Variants in LRRCC1 observed in about 807,000 individuals in gnomAD.
The protein encoded by LRRCC1 is leucine rich repeat and coiled-coil centrosomal protein 1.
Under a neutral mutation model 126.0 loss-of-function variants are expected in LRRCC1, and 115 were observed. The ratio of observed to expected loss-of-function variants is 0.91; its 90% CI spans 0.78 to 1.07. LRRCC1 has a LOEUF of 1.07. Among genes scored for constraint, LRRCC1 ranks in the 50% least tolerant of loss-of-function variants. The pLI is 0.00. For synonymous variants in LRRCC1, 400 were observed against 393.4 expected, an observed-to-expected ratio of 1.02 and a Z score of -0.20; for missense variants, 1,172 against 1,175.7, an observed-to-expected ratio of 1.00 and a Z score of 0.05.
chr8:85,143,483 G>A (rs1811409406), intron 18 of LRRCC1, among the ~76,000 whole-genome samples: 1 of 151,840 alleles, frequency 6.6e-6, no homozygotes, highest in African/African-American at 2.4e-5. Context: ...ACAAAAAAAT[G>A]TGTTAATTAG....
chr8:85,130,391 C>G (rs1810380166), intron 11 of LRRCC1, among the ~76,000 whole-genome samples: 1 of 151,718 alleles, frequency 6.6e-6, no homozygotes, highest in Admixed American at 6.6e-5. Flanking sequence ...ATCTGCCCCA[C>G]TCGGCCTCCC....
At position 85,137,455 on chromosome 8, in the gene LRRCC1, G is replaced by T. The variant is rs972643196; in HGVS notation, c.2330-9G>T. 13 of 1,537,750 alleles carry T rather than the reference G, an allele frequency of 8.5e-6. No individual in the cohort carries two copies. Among genetic ancestry groups the T allele is most frequent in the Non-Finnish European group, 1.1e-5 (13 of 1,152,264 alleles). On this transcript the variant is annotated splice_polypyrimidine_tract_variant and intron_variant, in intron 14 of 18. Transcript: ENST00000360375. ...TCAAAGTATGTAATTGATGATTTTTGTTTCTTAGGATCTTCTCTAGCCCAA... is the reference window on the plus strand; with the variant it reads ...TCAAAGTATGTAATTGATGATTTTTTTTTCTTAGGATCTTCTCTAGCCCAA...
intron 9 of LRRCC1, 110 bp from the exon 10 acceptor site, chr8:85,129,065 A>T: frequency 1.3e-6 from 1 of 789,534 alleles, no homozygotes; most frequent in Non-Finnish European, 2.1e-6. Context: ...ACAGGAGTTG[A>T]GAGCATGAAC....
chr8:85,114,335 C>G (rs1159729119), intron 4 of LRRCC1, among the ~76,000 whole-genome samples: 1 of 151,858 alleles, frequency 6.6e-6, no homozygotes, highest in Admixed American at 6.6e-5. Flanking sequence ...AATACAGTCA[C>G]CCTCCCTTCA....
chr8:85,132,375 CT>C (rs551423793), intron 12 of LRRCC1, among the ~76,000 whole-genome samples: 18 of 109,924 alleles, frequency 1.6e-4, no homozygotes, highest in Admixed American at 6.8e-4. Flanking sequence ...TGAGTACTTT[CT>C]TTTTTTTTTT....
Position 85,129,225 on chromosome 8 carries a change from T to A in LRRCC1, c.1472T>A (p.Val491Asp). 1.2e-6 allele frequency: 2 copies of A among 1,613,138 alleles called. No homozygotes were observed. Among genetic ancestry groups the A allele is most frequent in the Non-Finnish European group, 1.7e-6 (2 of 1,179,696 alleles). Residue 491 changes from valine (V) to aspartate (D), a missense_variant, in exon 10 of 19, where the codon GTT becomes GAT. Val to Asp is a radical substitution (Grantham distance 152). Transcript: ENST00000360375. ...AGAAATTCCAAAGGACAACTCGAAG[T>A]TATGGTTCACAAACTTCAAAATGAA... ...RERNSKGQLE[V>D]MVHKLQNEIK...
Position 85,107,316 on chromosome 8 carries a change from G to A in LRRCC1, c.21G>A (p.Val7=). ...GTGCTATGGAGGCGGCGGCGGCGGT[G>A]GTGGCGGCAGAGGCGGAAGTGGAAA... The part of the protein sequence containing the change: MEAAAA[V]VAAEAEVENE... The change falls in exon 1 of 19, where the codon GTG becomes GTA. Residue 7 remains valine (V), a synonymous_variant. Transcript: ENST00000360375. The A allele has an allele frequency of 6.2e-7, 1 of 1,612,776 alleles. No homozygotes were observed. Among genetic ancestry groups the A allele is most frequent in the Non-Finnish European group, 8.5e-7 (1 of 1,179,576 alleles).
intron 5 of LRRCC1, 46 bp from the exon 6 acceptor site, chr8:85,115,329 A>C (rs1809031302): frequency 1.3e-6 from 2 of 1,565,476 alleles, no homozygotes; most frequent in Admixed American, 3.7e-5. Flanking sequence ...AAATTTCAAT[A>C]AGTGAATATA....
In LRRCC1 at chr8:85,141,514, A is replaced by G; in HGVS notation, c.2973A>G (p.Leu991=). The change falls in exon 18 of 19, where the codon TTA becomes TTG. Residue 991 remains leucine (L), a synonymous_variant. Transcript: ENST00000360375. ...AGAAGTGTATTGATTCTGCAAATTT[A>G]AAGGTATTGTAAGTAAAATTCACTT... The part of the protein sequence containing the change: ...EKQKCIDSAN[L]KVHQIEKEMR... 6.2e-7 allele frequency: 1 copy of G among 1,602,406 alleles called. No individual in the cohort carries two copies.
At chr8:85,130,700 T>G (rs1470069396) in intron 11 of LRRCC1, among the ~76,000 whole-genome samples, 1 of 152,230 alleles carries the variant, frequency 6.6e-6, no homozygotes, top group Non-Finnish European at 1.5e-5. Flanking sequence ...GACCCCCAAG[T>G]TAATTAATTA....
rs200174959 is a variant in LRRCC1, at chr8:85,123,502, A to C, written c.1020A>C (p.Arg340Ser). ...CTTCTGAAAGTGACTATGGAAACAG[A>C]AAAGAATGCAATAGAAAAGTTCCTC... ...DITSESDYGN[R>S]KECNRKVPRR... The change falls in exon 7 of 19, where the codon AGA (arginine) becomes AGC (serine). Residue 340 changes from arginine to serine, a missense_variant. Physicochemically the swap from Arg to Ser is moderately radical, Grantham distance 110. Transcript: ENST00000360375. 5.6e-6 allele frequency: 9 copies of C among 1,611,648 alleles called. No individual in the cohort carries two copies. The highest frequency in any genetic ancestry group is 1.3e-5 in the African/African-American group (1 of 74,746).
rs768095250 is a variant in LRRCC1, at chr8:85,124,909, C to T, written c.1242C>T (p.Asp414=). 6.2e-7 allele frequency: 1 copy of T among 1,605,034 alleles called. No individual in the cohort carries two copies. Among genetic ancestry groups the T allele is most frequent in the Non-Finnish European group, 8.5e-7 (1 of 1,176,326 alleles). Residue 414 remains aspartate (D), a synonymous_variant, in exon 8 of 19, where the codon GAC becomes GAT. Coordinates refer to ENST00000360375, the MANE Select transcript of LRRCC1 (RefSeq NM_033402.5). The part of the protein sequence containing the change: ...EKPKTEIIKV[D]QSHSEDNTYQ... The stretch of plus-strand genomic sequence containing the variant: ...CAAAGACTGAAATAATTAAAGTAGA[C>T]CAAAGTCACTCAGAAGACAACACTT...
Position 85,135,674 on chromosome 8 carries a change from G to A in LRRCC1, c.2155-115G>A, listed in dbSNP as rs556435760. 4.4e-4 allele frequency: 266 copies of A among 606,646 alleles called. No homozygotes were observed. The African/African-American group carries it at 4.5e-3, about 10-fold the overall frequency. The allele number at this position is 606,646 out of a possible 1,614,324, so 37.6% of individuals were successfully genotyped here. ...AACTAAAACTTCTGATGTAAAATTT[G>A]GTAATATTTACTTGTATTTGCTTAA... On this transcript the variant is annotated intron_variant, in intron 13 of 18. Coordinates refer to ENST00000360375, the MANE Select transcript of LRRCC1 (RefSeq NM_033402.5).
intron 2 of LRRCC1, 72 bp from the exon 3 acceptor site, chr8:85,110,043 T>C (rs1272951387): frequency 1.0e-5 from 7 of 685,744 alleles, no homozygotes; most frequent in Non-Finnish European, 1.7e-5. Flanking sequence ...AATAACATTG[T>C]AATGCTATAT....
At position 85,145,381 on chromosome 8, in the gene LRRCC1, C is replaced by T. The variant is rs984366932; in HGVS notation, c.2977-8C>T. On this transcript the variant is annotated splice_polypyrimidine_tract_variant and splice_region_variant and intron_variant, in intron 18 of 18. Transcript: ENST00000360375. The stretch of plus-strand genomic sequence containing the variant: ...AAATTAAAATGTAAAATTTACATGT[C>T]GATTTAGGTCCATCAAATTGAAAAA... 89 of 1,454,790 alleles carry T rather than the reference C, an allele frequency of 6.1e-5. No homozygotes were observed. Among genetic ancestry groups the T allele is most frequent in the Non-Finnish European group, 7.6e-5 (84 of 1,099,988 alleles). The allele number at this position is 1,454,790 out of a possible 1,614,324, so 90.1% of individuals were successfully genotyped here.
chr8:85,145,117 G>GTGTGTATATATATATATATATA (rs1554679351), intron 18 of LRRCC1, among the ~76,000 whole-genome samples: 3 of 143,330 alleles, frequency 2.1e-5, no homozygotes, highest in African/African-American at 7.7e-5. Flanking sequence ...ATATATGTGT[G>GTGTGTATATATATATATATATA]TATATATATA....
intron 9 of LRRCC1, among the ~76,000 whole-genome samples, 168 bp downstream of exon 9, chr8:85,127,005 A>G (rs911670281): frequency 4.6e-5 from 7 of 152,214 alleles, no homozygotes; most frequent in Non-Finnish European, 1.0e-4. Flanking sequence ...AGCTTGTTAT[A>G]TCAACAAGAA....
In LRRCC1 at chr8:85,109,591, A is replaced by T. The variant is rs1461578154; in HGVS notation, c.105-4A>T. ...ATTTTTATAGTATATATTTTCTTTT[A>T]TAGCATATCAGAATTATCTTTAGAT... On this transcript the variant is annotated splice_polypyrimidine_tract_variant and splice_region_variant and intron_variant, in intron 1 of 18. Coordinates refer to ENST00000360375, the MANE Select transcript of LRRCC1 (RefSeq NM_033402.5). 1 of 1,534,440 alleles carries T rather than the reference A, an allele frequency of 6.5e-7. No homozygotes were observed. Among genetic ancestry groups the T allele is most frequent in the Non-Finnish European group, 8.9e-7 (1 of 1,120,862 alleles).
chr8:85,121,425 T>C (rs1472893686), intron 6 of LRRCC1, among the ~76,000 whole-genome samples: 1 of 151,278 alleles, frequency 6.6e-6, no homozygotes, highest in Non-Finnish European at 1.5e-5. Context: ...GTTTTGTTTT[T>C]TGTTTTGTTT....
Sources: gnomAD v4.1 joint callset for allele counts (sites outside exome capture counted in the v4.1 genomes callset) on GRCh38, gnomAD v4.1.1 for gene constraint, MANE v1.5 for transcripts, NCBI Gene and HGNC (gene_info 2026-07-23, HGNC 2026-07-21) for gene names.